The following PRRX1 variants were observed in gnomAD, a reference collection of about 807,000 sequenced individuals.
PRRX1 encodes paired mesoderm homeobox protein 1.
In PRRX1, 8 loss-of-function variants were observed where a neutral mutation model predicts 24.0. The observed-to-expected ratio is 0.33, with a 90% confidence interval of 0.20 to 0.60. The LOEUF (loss-of-function observed/expected upper bound fraction) is 0.60, where lower values mean the gene tolerates loss of function less well. PRRX1 is among the 20% of genes least tolerant of loss of function. The pLI is 0.82. For missense variants in PRRX1, 281 were observed against 322.4 expected (o/e 0.87, Z 0.98); for synonymous variants, 160 against 131.7 (o/e 1.22, Z -1.47).
At chr1:170,676,500 C>T (rs1447421631) in intron 1 of PRRX1, among the ~76,000 whole-genome samples, 1 of 151,998 alleles carries the variant, frequency 6.6e-6, no homozygotes, top group Non-Finnish European at 1.5e-5. Flanking sequence ...TTAATATACT[C>T]AGACTGCTGG....
intron 1 of PRRX1, among the ~76,000 whole-genome samples, chr1:170,713,209 ATGT>A (rs1371156049): frequency 6.6e-6 from 1 of 152,152 alleles, no homozygotes; most frequent in Non-Finnish European, 1.5e-5. Context: ...ACAAACACAA[ATGT>A]TGTGCTCTGG....
chr1:170,708,958 C>T (rs1046503863), intron 1 of PRRX1, among the ~76,000 whole-genome samples: 2 of 152,074 alleles, frequency 1.3e-5, no homozygotes, highest in East Asian at 1.9e-4. Context: ...CCAGGTTGTT[C>T]AGAGTAGGCA....
chr1:170,663,526 G>A (rs976239703), upstream of PRRX1: 2 of 151,172 alleles, frequency 1.3e-5, no homozygotes, highest in Non-Finnish European at 2.9e-5. Context: ...TTTACAAAAA[G>A]TAAAGTGAGA....
At chr1:170,692,165 A>C (rs778566523) in intron 1 of PRRX1, among the ~76,000 whole-genome samples, 3 of 152,094 alleles carry the variant, frequency 2.0e-5, no homozygotes, top group Non-Finnish European at 4.4e-5. Context: ...ACCAAAATTG[A>C]AGTTGGATCT....
chr1:170,727,124 T>C (rs1168189696), intron 3 of PRRX1: 1 of 152,206 alleles, frequency 6.6e-6, no homozygotes, highest in Non-Finnish European at 1.5e-5. Context: ...TGTCTGTGTG[T>C]GTTTCTTTTA....
intron 1 of PRRX1, among the ~76,000 whole-genome samples, chr1:170,700,215 T>C (rs1654309581): frequency 6.6e-6 from 1 of 152,140 alleles, no homozygotes; most frequent in South Asian, 2.1e-4. Flanking sequence ...CCAAATTCAT[T>C]CATAGGAAAT....
chr1:170,671,917 G>T (rs1653157107), intron 1 of PRRX1, among the ~76,000 whole-genome samples: 1 of 152,182 alleles, frequency 6.6e-6, no homozygotes, highest in African/African-American at 2.4e-5. Context: ...AAGAAGGGCA[G>T]ATCTGAGAAA....
intron 1 of PRRX1, among the ~76,000 whole-genome samples, chr1:170,675,246 C>G (rs72705058): frequency 5.3e-5 from 8 of 152,258 alleles, no homozygotes; most frequent in Non-Finnish European, 8.8e-5. Context: ...TGGGAAACTT[C>G]CCTAGATATG....
chr1:170,695,680 C>T (rs1481141946), intron 1 of PRRX1, among the ~76,000 whole-genome samples: 1 of 152,176 alleles, frequency 6.6e-6, no homozygotes, highest in East Asian at 1.9e-4. Context: ...AGTTCAAACA[C>T]TTCTCCAGTC....
rs548179496 is a variant in PRRX1 at position 170,696,303 on chromosome 1, T to C, written c.242-23423T>C. Among the ~76,000 whole-genome samples, 25 of 152,300 alleles carry C rather than the reference T, an allele frequency of 1.6e-4. No individual in the cohort carries two copies. In the East Asian group the frequency reaches 4.6e-3, roughly 28 times the overall value. ...ATGACCAGCAGAGATATGTCTATAT[T>C]AGAGAAAAAGAGGCAACCCTGAATC... On this transcript the variant is annotated intron_variant, in intron 1 of 3. Transcript: ENST00000239461.
intron 1 of PRRX1, among the ~76,000 whole-genome samples, chr1:170,698,324 G>A (rs1030044461): frequency 6.6e-6 from 1 of 152,026 alleles, no homozygotes; most frequent in Admixed American, 6.6e-5. Flanking sequence ...TCTTGAAAGA[G>A]ATTTCTTATC....
At chr1:170,669,243 T>A (rs2101883415) in intron 1 of PRRX1, 1 of 151,906 alleles carries the variant, frequency 6.6e-6, no homozygotes, top group South Asian at 2.1e-4. Context: ...TCCTGCATTT[T>A]GGCTGAGACA....
At chr1:170,675,884 T>C (rs1432333887) in intron 1 of PRRX1, among the ~76,000 whole-genome samples, 1 of 152,088 alleles carries the variant, frequency 6.6e-6, no homozygotes, top group Admixed American at 6.6e-5. Context: ...TTTCTCCTCA[T>C]GAGAAAGGGA....
At chr1:170,719,955 T>C in intron 2 of PRRX1, 54 bp downstream of exon 2, 2 of 1,596,684 alleles carry the variant, frequency 1.3e-6, no homozygotes, top group Non-Finnish European at 1.7e-6. Context: ...CAGAGGCACA[T>C]CTCTGAAAAC....
chr1:170,715,928 T>C (rs889491149), intron 1 of PRRX1, among the ~76,000 whole-genome samples: 2 of 152,216 alleles, frequency 1.3e-5, no homozygotes, highest in Admixed American at 1.3e-4. Flanking sequence ...GTTTCTCTCT[T>C]GCACAGCGTG....
chr1:170,719,625 G>A (rs1198015175), intron 1 of PRRX1, 101 bp from the exon 2 acceptor site: 5 of 1,309,956 alleles, frequency 3.8e-6, no homozygotes, highest in South Asian at 1.3e-5. Context: ...AAAGATGTGA[G>A]CAAATGAAGC....
intron 1 of PRRX1, among the ~76,000 whole-genome samples, chr1:170,718,731 C>T (rs1331586991): frequency 3.3e-5 from 5 of 152,228 alleles, no homozygotes; most frequent in East Asian, 1.9e-4. Flanking sequence ...AGAGCTCAGG[C>T]CTTAGGGTGA....
intron 1 of PRRX1, among the ~76,000 whole-genome samples, chr1:170,711,334 GCA>G (rs1470715172): frequency 1.3e-5 from 2 of 152,090 alleles, no homozygotes; most frequent in Non-Finnish European, 2.9e-5. Context: ...TCTGCTATAA[GCA>G]CCTTGTCCTT....
intron 1 of PRRX1, among the ~76,000 whole-genome samples, chr1:170,698,882 T>C (rs910372668): frequency 2.6e-5 from 4 of 152,054 alleles, no homozygotes; most frequent in African/African-American, 7.2e-5. Flanking sequence ...AGGGGGTCTC[T>C]GGAGAAGGGG....
Sources: gnomAD v4.1 joint callset for allele counts (sites outside exome capture counted in the v4.1 genomes callset) on GRCh38, gnomAD v4.1.1 for gene constraint, MANE v1.5 for transcripts, NCBI Gene and HGNC (gene_info 2026-07-23, HGNC 2026-07-21) for gene names.